MGST1: variants seen among roughly 807,000 people sequenced by gnomAD.
MGST1 encodes microsomal glutathione S-transferase 1, also known as glutathione S-transferase 12.
Under a neutral mutation model 8.9 loss-of-function variants are expected in MGST1, and 5 were observed. That is an observed-to-expected ratio of 0.56 (90% CI 0.29 to 1.19). The LOEUF (loss-of-function observed/expected upper bound fraction) is 1.19. MGST1 is among the 50% of genes most tolerant of loss of function. The probability of loss-of-function intolerance (pLI) is 0.08; values close to 1 mark genes in which losing one functional copy is unlikely to be tolerated. For synonymous variants in MGST1, 54 were observed against 67.8 expected (o/e 0.80, Z 1.00); for missense variants, 182 against 187.4 (o/e 0.97, Z 0.17).
At chr12:16,461,214 C>A (rs1941217691) in intron 4 of MGST1, among the ~76,000 whole-genome samples, 1 of 150,062 alleles carries the variant, frequency 6.7e-6, no homozygotes, top group African/African-American at 2.4e-5. Context: ...ACATCACTGA[C>A]CTTGTTCAAA....
chr12:16,546,916 T>G lies in MGST1; in HGVS notation n.483-42612T>G, dbSNP rs1257262647. On this transcript the variant is annotated intron_variant and non_coding_transcript_variant, in intron 4 of 4. Transcript: ENST00000538857. This position sits in a 1 kb window ranked among gnomAD's most constrained non-coding sequence, Gnocchi z 4.7. ...GGCAATGATCATGCATATTTTAGTC[T>G]TCAGGAAAAGTTACTGAAATTAAAT... Among the ~76,000 whole-genome samples the G allele has an allele frequency of 1.3e-5, 2 of 152,122 alleles. No individual in the cohort carries two copies. Among genetic ancestry groups the G allele is most frequent in the Non-Finnish European group, 2.9e-5 (2 of 68,004 alleles).
intron 4 of MGST1, among the ~76,000 whole-genome samples, chr12:16,581,812 ACT>A (rs944453608): frequency 2.0e-5 from 3 of 151,908 alleles, no homozygotes; most frequent in African/African-American, 7.2e-5. Context: ...TTGTATTACT[ACT>A]CTTTATTAAT....
intron 4 of MGST1, among the ~76,000 whole-genome samples, chr12:16,474,471 A>G (rs955449152): frequency 3.3e-5 from 5 of 152,228 alleles, no homozygotes; most frequent in African/African-American, 1.2e-4. Context: ...TTGGATATCA[A>G]TACCAAAGCA....
chr12:16,427,941 T>C (rs749415639), intron 1 of MGST1, among the ~76,000 whole-genome samples: 2 of 152,104 alleles, frequency 1.3e-5, no homozygotes, highest in Non-Finnish European at 2.9e-5. Flanking sequence ...TTTGATTTAA[T>C]CTTATATTTC....
intron 4 of MGST1, among the ~76,000 whole-genome samples, chr12:16,452,100 C>T (rs184893325): frequency 2.8e-4 from 43 of 151,836 alleles, no homozygotes; most frequent in African/African-American, 9.4e-4. Flanking sequence ...TATTATATTA[C>T]ACATAAAATG....
At chr12:16,399,808 A>G (rs1940638231) in intron 1 of MGST1, 1 of 1,204,716 alleles carries the variant, frequency 8.3e-7, no homozygotes, top group Non-Finnish European at 1.2e-6. Context: ...AGGCTACAAG[A>G]ATGGCATTGA....
chr12:16,351,764 T>G (rs2136921934), intron 1 of MGST1, among the ~76,000 whole-genome samples: 2 of 152,022 alleles, frequency 1.3e-5, no homozygotes, highest in Middle Eastern at 6.8e-3. Flanking sequence ...GAGCCAAGAT[T>G]GCACCACTGC....
At chr12:16,536,977 C>T (rs1054923345) in intron 4 of MGST1, among the ~76,000 whole-genome samples, 5 of 152,088 alleles carry the variant, frequency 3.3e-5, no homozygotes, top group African/African-American at 1.2e-4. Context: ...CCCAACAGTC[C>T]CCCAAAGGCT....
At chr12:16,561,795 T>C (rs1218023593) in intron 4 of MGST1, among the ~76,000 whole-genome samples, 1 of 152,220 alleles carries the variant, frequency 6.6e-6, no homozygotes, top group Non-Finnish European at 1.5e-5. Flanking sequence ...AAATGTGCAA[T>C]GAATGTTTAT....
chr12:16,575,864 C>T (rs1436300409), intron 4 of MGST1, among the ~76,000 whole-genome samples: 10 of 152,114 alleles, frequency 6.6e-5, no homozygotes, highest in East Asian at 5.8e-4. Context: ...GTTCTCCCTA[C>T]GTGACATCCT....
chr12:16,444,414 C>G (rs1438492685), intron 4 of MGST1, among the ~76,000 whole-genome samples: 1 of 151,782 alleles, frequency 6.6e-6, no homozygotes, highest in East Asian at 1.9e-4. Flanking sequence ...ATTATGTATC[C>G]TCAACTCACA....
intron 4 of MGST1, among the ~76,000 whole-genome samples, chr12:16,574,866 A>G (rs1565494935): frequency 6.6e-6 from 1 of 152,104 alleles, no homozygotes. Context: ...CATGTCTAAG[A>G]TCTCATAGTC....
intron 1 of MGST1, among the ~76,000 whole-genome samples, chr12:16,419,675 A>T (rs1940817554): frequency 6.6e-6 from 1 of 152,214 alleles, no homozygotes; most frequent in African/African-American, 2.4e-5. Context: ...TCTATCAAAC[A>T]TCTGAATATC....
At chr12:16,566,040 A>ATATATATATATATATAT (rs1942598708) in intron 4 of MGST1, among the ~76,000 whole-genome samples, 1 of 106,802 alleles carries the variant, frequency 9.4e-6, no homozygotes, top group Non-Finnish European at 1.9e-5. Flanking sequence ...ATATATATAT[A>ATATATATATATATATAT]AAATGGAGTA....
intron 1 of MGST1, among the ~76,000 whole-genome samples, chr12:16,395,786 T>TACACAC (rs1375192264): frequency 6.6e-5 from 8 of 120,528 alleles, no homozygotes; most frequent in African/African-American, 1.8e-4. Context: ...CCATCATATA[T>TACACAC]ATATATATAT....
At chr12:16,591,696 T>A (rs1943499682), downstream of MGST1, among the ~76,000 whole-genome samples, 1 of 152,036 alleles carries the variant, frequency 6.6e-6, no homozygotes, top group African/African-American at 2.4e-5. This position sits in a 1 kb window ranked among gnomAD's most constrained non-coding sequence, Gnocchi z 4.1. Context: ...TATTGATAAC[T>A]TACTGATATC....
At chr12:16,450,395 A>G (rs1175565655) in intron 4 of MGST1, among the ~76,000 whole-genome samples, 1 of 151,868 alleles carries the variant, frequency 6.6e-6, no homozygotes, top group Non-Finnish European at 1.5e-5. Context: ...AACAAAATAC[A>G]ATGAAATGGC....
intron 1 of MGST1, among the ~76,000 whole-genome samples, chr12:16,395,231 C>G (rs1047948646): frequency 4.0e-5 from 6 of 151,874 alleles, no homozygotes; most frequent in African/African-American, 1.5e-4. Flanking sequence ...ATCCAATTTT[C>G]TCATCACCAT....
chr12:16,380,705 T>C (rs1200121896), downstream of MGST1, among the ~76,000 whole-genome samples: 1 of 152,174 alleles, frequency 6.6e-6, no homozygotes, highest in South Asian at 2.1e-4. Flanking sequence ...CCTTGTTAAC[T>C]TTCTGTCTTG....
Sources: allele counts gnomAD v4.1 joint callset (sites outside exome capture counted in the v4.1 genomes callset), GRCh38; gene constraint gnomAD v4.1.1; non-coding constraint Gnocchi (gnomAD v3.1); transcripts MANE v1.5; gene names NCBI Gene and HGNC (gene_info 2026-07-23, HGNC 2026-07-21).